ZNF804B: variants seen among roughly 807,000 people sequenced by gnomAD.
The protein encoded by ZNF804B is zinc finger protein 804B, also known as zinc finger 804B.
Under a neutral mutation model 101.4 loss-of-function variants are expected in ZNF804B, and 80 were observed. That is an observed-to-expected ratio of 0.79 (90% CI 0.66 to 0.95). The LOEUF (loss-of-function observed/expected upper bound fraction) is 0.95. Among genes scored for constraint, ZNF804B ranks in the 40% least tolerant of loss-of-function variants. ZNF804B has a pLI of 0.00. For missense variants in ZNF804B, 1,673 were observed against 1,561.9 expected, an observed-to-expected ratio of 1.07 and a Z score of -1.20; for synonymous variants, 622 against 558.8, an observed-to-expected ratio of 1.11 and a Z score of -1.59.
At chr7:88,899,445 C>A (rs1032185809) in intron 1 of ZNF804B, among the ~76,000 whole-genome samples, 1 of 152,082 alleles carries the variant, frequency 6.6e-6, no homozygotes, top group African/African-American at 2.4e-5. Context: ...TCTGTTTCAC[C>A]TTGTCACTGT....
intron 1 of ZNF804B, among the ~76,000 whole-genome samples, chr7:88,820,776 A>G (rs76519533): frequency 2.7e-3 from 416 of 152,176 alleles, no homozygotes; most frequent in Middle Eastern, 0.014. Context: ...AAGAAAGAGA[A>G]TAAGTTGGGT....
chr7:89,228,834 A>C (rs1437672632), intron 2 of ZNF804B, among the ~76,000 whole-genome samples: 3 of 152,092 alleles, frequency 2.0e-5, no homozygotes, highest in Non-Finnish European at 1.5e-5. Flanking sequence ...CTCGTTGGGG[A>C]GGCTCCGGCG....
intron 2 of ZNF804B, among the ~76,000 whole-genome samples, chr7:89,232,635 C>T (rs1789210136): frequency 6.6e-6 from 1 of 152,054 alleles, no homozygotes; most frequent in Non-Finnish European, 1.5e-5. Context: ...TTGTCCAGTT[C>T]ATGTATGTTG....
intron 1 of ZNF804B, among the ~76,000 whole-genome samples, chr7:88,991,854 G>A (rs2047033996): frequency 1.3e-5 from 2 of 152,256 alleles, no homozygotes; most frequent in East Asian, 1.9e-4. Flanking sequence ...CTACTACCAT[G>A]AGGTCTTTCA....
At chr7:88,858,973 A>G (rs1300173864) in intron 1 of ZNF804B, among the ~76,000 whole-genome samples, 1 of 152,096 alleles carries the variant, frequency 6.6e-6, no homozygotes, top group Non-Finnish European at 1.5e-5. Context: ...AGGCTTATGA[A>G]CATTCCCTGA....
intron 1 of ZNF804B, among the ~76,000 whole-genome samples, chr7:88,882,466 A>T (rs1347717014): frequency 1.3e-5 from 2 of 152,156 alleles, no homozygotes; most frequent in Admixed American, 1.3e-4. Context: ...CAGTTTGGAG[A>T]TTTCTCAAAG....
At chr7:89,101,211 T>C (rs898880074) in intron 1 of ZNF804B, among the ~76,000 whole-genome samples, 1 of 152,052 alleles carries the variant, frequency 6.6e-6, no homozygotes, top group African/African-American at 2.4e-5. Context: ...GTATTCATTA[T>C]ATAAAACAGT....
intron 1 of ZNF804B, among the ~76,000 whole-genome samples, chr7:89,196,601 CA>C (rs1462818339): frequency 6.6e-6 from 1 of 151,978 alleles, no homozygotes; most frequent in East Asian, 1.9e-4. Context: ...AAAGCAATTG[CA>C]ACAAAAGCAA....
chr7:89,017,130 C>T (rs1282442672), intron 1 of ZNF804B, among the ~76,000 whole-genome samples: 2 of 152,134 alleles, frequency 1.3e-5, no homozygotes, highest in Non-Finnish European at 2.9e-5. Flanking sequence ...TGATTTGGCT[C>T]TCTGTTTGTC....
intron 1 of ZNF804B, among the ~76,000 whole-genome samples, chr7:89,112,415 A>G (rs1329652449): frequency 2.0e-5 from 3 of 152,170 alleles, no homozygotes; most frequent in African/African-American, 7.2e-5. Context: ...CTTTGTCAAA[A>G]ATAAGTGGAC....
intron 1 of ZNF804B, among the ~76,000 whole-genome samples, chr7:88,951,944 T>G (rs887707030): frequency 6.6e-6 from 1 of 151,880 alleles, no homozygotes; most frequent in African/African-American, 2.4e-5. Context: ...TATTTATATC[T>G]GTATCCAGCT....
At chr7:88,946,701 G>T (rs1793135977) in intron 1 of ZNF804B, among the ~76,000 whole-genome samples, 1 of 151,618 alleles carries the variant, frequency 6.6e-6, no homozygotes, top group African/African-American at 2.4e-5. Context: ...TTGTATCTCT[G>T]GTAGAATTAG....
At chr7:89,250,742 C>T (rs1482768467) in intron 2 of ZNF804B, among the ~76,000 whole-genome samples, 1 of 152,204 alleles carries the variant, frequency 6.6e-6, no homozygotes, top group Non-Finnish European at 1.5e-5. Context: ...GTTAATTCAG[C>T]ATGATCAAAT....
In ZNF804B at chr7:89,337,723, G is replaced by C. The variant is rs1791124959; in HGVS notation, c.*691G>C. Among the ~76,000 whole-genome samples the C allele has an allele frequency of 6.6e-6, 1 of 151,958 alleles. No homozygotes were observed. Among genetic ancestry groups the C allele is most frequent in the African/African-American group, 2.4e-5 (1 of 41,404 alleles). On this transcript the variant is annotated 3_prime_UTR_variant, in exon 4 of 4. Coordinates refer to ENST00000333190, the MANE Select transcript of ZNF804B (RefSeq NM_181646.5). The stretch of plus-strand genomic sequence containing the variant: ...AAGAATCAGCAAAATCTAAAACTAA[G>C]AATGTTTAACTTTTGTATAAAAACA...
chr7:88,873,609 T>A (rs988768493), intron 1 of ZNF804B, among the ~76,000 whole-genome samples: 1 of 152,106 alleles, frequency 6.6e-6, no homozygotes, highest in Admixed American at 6.6e-5. Flanking sequence ...TTAGGTTGAA[T>A]GTTTAAGTCT....
intron 1 of ZNF804B, among the ~76,000 whole-genome samples, chr7:88,807,111 A>G (rs1340749272): frequency 1.3e-5 from 2 of 152,176 alleles, no homozygotes; most frequent in Non-Finnish European, 2.9e-5. Context: ...TTTAACCTAT[A>G]TTTCAGAAAG....
At chr7:88,994,027 T>G (rs1793884668) in intron 1 of ZNF804B, among the ~76,000 whole-genome samples, 1 of 152,010 alleles carries the variant, frequency 6.6e-6, no homozygotes, top group Non-Finnish European at 1.5e-5. Context: ...CAAGTATTTT[T>G]CTATGTTATT....
intron 1 of ZNF804B, among the ~76,000 whole-genome samples, chr7:88,854,414 C>CTTTCTTTCTTCCTTTCTTTCTTT (rs1791502231): frequency 1.8e-4 from 10 of 57,074 alleles, no homozygotes; most frequent in Non-Finnish European, 3.2e-4. Context: ...TTTCTTTCTT[C>CTTTCTTTCTTCCTTTCTTTCTTT]CTTTCTTTCT....
intron 1 of ZNF804B, among the ~76,000 whole-genome samples, chr7:89,160,265 A>G (rs1393215963): frequency 1.3e-5 from 2 of 152,126 alleles, no homozygotes; most frequent in East Asian, 3.9e-4. Flanking sequence ...CCTGTGTGCA[A>G]TAAATCAGGC....
Sources: allele counts gnomAD v4.1 joint callset (sites outside exome capture counted in the v4.1 genomes callset), GRCh38; gene constraint gnomAD v4.1.1; transcripts MANE v1.5; gene names NCBI Gene and HGNC (gene_info 2026-07-23, HGNC 2026-07-21).